The following KDM4C variants were observed in gnomAD, a reference collection of about 807,000 sequenced individuals.
The protein encoded by KDM4C is lysine-specific demethylase 4C.
A neutral mutation model predicts 129.3 loss-of-function variants in KDM4C; 81 were observed. The ratio of observed to expected loss-of-function variants is 0.63; its 90% confidence interval spans 0.52 to 0.75. The LOEUF (loss-of-function observed/expected upper bound fraction) is 0.75. Among genes scored for constraint, KDM4C ranks in the 30% least tolerant of loss-of-function variants. The pLI is 0.00. For synonymous variants in KDM4C, 573 were observed against 456.1 expected, an observed-to-expected ratio of 1.26 and a Z score of -3.26; for missense variants, 1,457 against 1,304.0, an observed-to-expected ratio of 1.12 and a Z score of -1.81.
At chr9:6,907,257 A>G (rs572045314) in intron 8 of KDM4C, among the ~76,000 whole-genome samples, 1 of 152,348 alleles carries the variant, frequency 6.6e-6, no homozygotes, top group Admixed American at 6.5e-5. Flanking sequence ...TGTAAATTGA[A>G]TGAAAAATAA....
chr9:6,970,800 G>A (rs10119010), intron 8 of KDM4C, among the ~76,000 whole-genome samples: 38,325 of 88,942 alleles, frequency 0.43, 6,595 homozygotes, highest in East Asian at 0.74. Context: ...CCCACCCCCC[G>A]CCCCTAACCC....
intron 12 of KDM4C, among the ~76,000 whole-genome samples, chr9:7,008,184 G>A (rs1000165967): frequency 6.6e-6 from 1 of 152,158 alleles, no homozygotes; most frequent in East Asian, 1.9e-4. Flanking sequence ...GTGAGAAACA[G>A]ATTTTGCCTC....
chr9:6,862,171 A>G (rs879501073), intron 5 of KDM4C, among the ~76,000 whole-genome samples: 5 of 152,132 alleles, frequency 3.3e-5, no homozygotes, highest in Non-Finnish European at 7.4e-5. Flanking sequence ...TTTTCCTTTA[A>G]GTGTGGTTAA....
chr9:6,811,062 C>T (rs760797792), intron 3 of KDM4C, among the ~76,000 whole-genome samples: 3 of 152,174 alleles, frequency 2.0e-5, no homozygotes, highest in Non-Finnish European at 4.4e-5. Flanking sequence ...AATGCTCTTA[C>T]TTGTCAACAC....
chr9:6,820,714 CTTTTTT>C (rs35264767), intron 4 of KDM4C, among the ~76,000 whole-genome samples: 15 of 127,148 alleles, frequency 1.2e-4, no homozygotes, highest in African/African-American at 3.6e-4. Flanking sequence ...CTCTCTCTCT[CTTTTTT>C]TTTTTTTTTT....
chr9:6,728,381 A>G (rs773230498), intron 1 of KDM4C, among the ~76,000 whole-genome samples: 6 of 151,734 alleles, frequency 4.0e-5, no homozygotes, highest in Non-Finnish European at 7.4e-5. Flanking sequence ...TAAAAGTACA[A>G]AAATTAGCTG....
chr9:7,011,619 T>A (rs941210036), intron 12 of KDM4C, 79 bp from the exon 13 acceptor site: 1 of 1,263,318 alleles, frequency 7.9e-7, no homozygotes, highest in Non-Finnish European at 1.1e-6. Flanking sequence ...TTCTGTGGAA[T>A]GTTTATTTCT....
Position 6,795,667 on chromosome 9 carries a change from ATTTTTT to A in KDM4C, c.144+2542_144+2547del, listed in dbSNP as rs1007341766. On this transcript the variant is annotated intron_variant, in intron 2 of 21. Coordinates refer to ENST00000381309, the MANE Select transcript of KDM4C (RefSeq NM_015061.6). ...TTAAAGTTCATGCCCTTCCTAGAAA[ATTTTTT>A]TTTTTTCTTTTTTTTTGAGACAGTG... Among the ~76,000 whole-genome samples, 3 of 148,770 alleles carry A rather than the reference ATTTTTT, an allele frequency of 2.0e-5. No individual in the cohort carries two copies. The Admixed American group carries it at 2.0e-4, about 10-fold the overall frequency.
At chr9:7,161,093 C>T (rs539841347) in intron 19 of KDM4C, among the ~76,000 whole-genome samples, 26 of 152,316 alleles carry the variant, frequency 1.7e-4, no homozygotes, top group South Asian at 8.3e-4. Context: ...CAGACTGCTG[C>T]GCTAGCAGTG....
chr9:6,750,432 C>G (rs1173454490), intron 1 of KDM4C, among the ~76,000 whole-genome samples: 1 of 146,182 alleles, frequency 6.8e-6, no homozygotes, highest in African/African-American at 2.5e-5. Context: ...GATTGAGACT[C>G]TGTCTCAAAA....
At chr9:7,124,166 C>G (rs1839793743) in intron 18 of KDM4C, among the ~76,000 whole-genome samples, 1 of 152,194 alleles carries the variant, frequency 6.6e-6, no homozygotes, top group Admixed American at 6.5e-5. Flanking sequence ...GATCATCCAG[C>G]TAGTAAGAGT....
intron 8 of KDM4C, among the ~76,000 whole-genome samples, chr9:6,934,450 A>C (rs1262690249): frequency 1.3e-5 from 2 of 150,894 alleles, no homozygotes; most frequent in Non-Finnish European, 3.0e-5. Flanking sequence ...ACCGCACTCG[A>C]GACTGGGTGA....
intron 3 of KDM4C, among the ~76,000 whole-genome samples, chr9:6,811,394 C>T (rs570036134): frequency 6.6e-6 from 1 of 152,146 alleles, no homozygotes; most frequent in Non-Finnish European, 1.5e-5. Flanking sequence ...ACCTCTGATC[C>T]GCCCACCTCG....
chr9:6,825,000 G>C (rs1588521135), intron 4 of KDM4C, among the ~76,000 whole-genome samples: 1 of 151,908 alleles, frequency 6.6e-6, no homozygotes, highest in Non-Finnish European at 1.5e-5. Context: ...AAAAAAATTA[G>C]CCGGGTGTGG....
chr9:7,006,148 T>A (rs574439940), intron 12 of KDM4C, among the ~76,000 whole-genome samples: 1 of 152,366 alleles, frequency 6.6e-6, no homozygotes, highest in South Asian at 2.1e-4. Context: ...GAAGTTTTAT[T>A]AATCTGCAGG....
chr9:7,136,112 G>A (rs946765705), intron 19 of KDM4C, among the ~76,000 whole-genome samples: 1 of 152,162 alleles, frequency 6.6e-6, no homozygotes, highest in Non-Finnish European at 1.5e-5. Context: ...ACTTAGAAGA[G>A]TTTTTTGTGT....
At chr9:6,772,182 C>A (rs756390265) in intron 1 of KDM4C, among the ~76,000 whole-genome samples, 1 of 152,044 alleles carries the variant, frequency 6.6e-6, no homozygotes, top group Non-Finnish European at 1.5e-5. Flanking sequence ...CAGAGTCTCA[C>A]TCTGTTGCCC....
chr9:6,745,154 T>G (rs773842247), intron 1 of KDM4C, among the ~76,000 whole-genome samples: 15 of 152,154 alleles, frequency 9.9e-5, no homozygotes, highest in Non-Finnish European at 2.1e-4. Flanking sequence ...CAAAGGAGCA[T>G]CTCAGGATTG....
intron 8 of KDM4C, among the ~76,000 whole-genome samples, chr9:6,901,046 A>T (rs1817320425): frequency 6.6e-6 from 1 of 151,788 alleles, no homozygotes; most frequent in Non-Finnish European, 1.5e-5. Context: ...CATAGGAAAA[A>T]TTTTTACTAA....
Sources: allele counts gnomAD v4.1 joint callset (sites outside exome capture counted in the v4.1 genomes callset), GRCh38; gene constraint gnomAD v4.1.1; transcripts MANE v1.5; gene names NCBI Gene and HGNC (gene_info 2026-07-23, HGNC 2026-07-21).